Variants in TENM3 observed in about 807,000 individuals in gnomAD.
TENM3 encodes teneurin-3.
In TENM3, 63 loss-of-function variants were observed where a neutral mutation model predicts 255.1. The ratio of observed to expected loss-of-function variants is 0.25; its 90% CI spans 0.20 to 0.30. TENM3 has a LOEUF of 0.30. TENM3 is among the 10% of genes least tolerant of loss of function. The probability of loss-of-function intolerance (pLI) is 1.00; values close to 1 mark genes in which losing one functional copy is unlikely to be tolerated. For missense variants in TENM3, 2,929 were observed against 3,461.1 expected, an observed-to-expected ratio of 0.85 and a Z score of 3.86; for synonymous variants, 1,306 against 1,322.3, an observed-to-expected ratio of 0.99 and a Z score of 0.27.
chr4:181,901,813 A>T, the TENM3 span, among the ~76,000 whole-genome samples: 1 of 152,178 alleles, frequency 6.6e-6, no homozygotes, highest in Non-Finnish European at 1.5e-5. Flanking sequence ...GGTATGTCAG[A>T]GTCTTCAAAT....
chr4:181,871,497 T>C, the TENM3 span, among the ~76,000 whole-genome samples: 2,266 of 152,194 alleles, frequency 0.015, 57 homozygotes, highest in African/African-American at 0.052. Flanking sequence ...AGTCATTTTG[T>C]CTATGAATAA....
chr4:182,391,463 A>G lies in TENM3; in HGVS notation c.511+44534A>G, dbSNP rs142376621. ...ATAGACACAGTTAAATAAAACCATG[A>G]CTGGCCCTGGCTCTAAGGAGGCCAG... On this transcript the variant is annotated intron_variant, in intron 3 of 27. Transcript: ENST00000511685. Among the ~76,000 whole-genome samples the G allele has an allele frequency of 3.7e-3, 560 of 152,300 alleles. 4 individuals are homozygous for G. The highest frequency in any genetic ancestry group is 0.013 in the African/African-American group (538 of 41,554).
the TENM3 span, among the ~76,000 whole-genome samples, chr4:181,967,769 G>C: frequency 6.6e-6 from 1 of 152,140 alleles, no homozygotes; most frequent in Non-Finnish European, 1.5e-5. Flanking sequence ...GAGTCAAACA[G>C]AGTGAGGTAT....
At chr4:182,288,566 G>GAT (rs1403986651) in intron 1 of TENM3, among the ~76,000 whole-genome samples, 1 of 152,194 alleles carries the variant, frequency 6.6e-6, no homozygotes, top group Non-Finnish European at 1.5e-5. Flanking sequence ...TGAGTGGATG[G>GAT]ATAGATTTAT....
chr4:182,160,184 A>T (rs1751039237), intron 1 of TENM3, among the ~76,000 whole-genome samples: 1 of 150,758 alleles, frequency 6.6e-6, no homozygotes, highest in Non-Finnish European at 1.5e-5. Context: ...ATGTATTTTT[A>T]GTAGAGACGG....
At chr4:181,729,871 A>G in the TENM3 span, among the ~76,000 whole-genome samples, 1 of 152,226 alleles carries the variant, frequency 6.6e-6, no homozygotes. Context: ...GACCGAATTT[A>G]AATACCTGGC....
intron 1 of TENM3, among the ~76,000 whole-genome samples, chr4:182,300,647 T>A (rs2150366691): frequency 6.6e-6 from 1 of 152,278 alleles, no homozygotes; most frequent in African/African-American, 2.4e-5. Flanking sequence ...CCACACCAAA[T>A]GAGACTTGAT....
At chr4:181,468,545 T>C in the TENM3 span, among the ~76,000 whole-genome samples, 6 of 152,216 alleles carry the variant, frequency 3.9e-5, no homozygotes, top group African/African-American at 1.2e-4. Context: ...ACCATCTGTA[T>C]AGTGCGCTCT....
chr4:182,132,878 C>A, the TENM3 span, among the ~76,000 whole-genome samples: 3 of 152,188 alleles, frequency 2.0e-5, no homozygotes, highest in African/African-American at 7.2e-5. Flanking sequence ...TTACATTGGG[C>A]AAATTACTTA....
At chr4:182,267,401 C>T (rs1376117528) in intron 1 of TENM3, among the ~76,000 whole-genome samples, 3 of 152,026 alleles carry the variant, frequency 2.0e-5, no homozygotes, top group Non-Finnish European at 2.9e-5. Context: ...ATTATTTTGC[C>T]AAGGCTTTGA....
intron 3 of TENM3, among the ~76,000 whole-genome samples, chr4:182,445,053 C>T (rs1580564995): frequency 6.6e-6 from 1 of 152,180 alleles, no homozygotes; most frequent in Admixed American, 6.5e-5. Flanking sequence ...AGGTGATCCA[C>T]CCACCTCGGC....
intron 3 of TENM3, among the ~76,000 whole-genome samples, chr4:182,477,925 C>A (rs1277056878): frequency 1.3e-5 from 2 of 152,080 alleles, no homozygotes; most frequent in East Asian, 1.9e-4. Flanking sequence ...CTGGAGAGAA[C>A]CTGTGACTAA....
the TENM3 span, among the ~76,000 whole-genome samples, chr4:181,604,090 C>A: frequency 6.6e-6 from 1 of 151,992 alleles, no homozygotes; most frequent in African/African-American, 2.4e-5. Flanking sequence ...CGGTGAAACC[C>A]CGTCTCTACT....
At position 182,799,238 on chromosome 4, in the gene TENM3, G is replaced by C. The variant is rs1481151531; in HGVS notation, c.7345-358G>C. Among the ~76,000 whole-genome samples, 1 of 152,236 alleles carries C rather than the reference G, an allele frequency of 6.6e-6. No homozygotes were observed. Among genetic ancestry groups the C allele is most frequent in the African/African-American group, 2.4e-5 (1 of 41,464 alleles). Reference sequence around the variant, plus strand: ...CTCAGCCTCCTGTGGAGAAAGCTACGAGCATGCAGATCCGGATGAGCTGGG... The same window carrying C: ...CTCAGCCTCCTGTGGAGAAAGCTACCAGCATGCAGATCCGGATGAGCTGGG... On this transcript the variant is annotated intron_variant, in intron 27 of 27. Transcript: ENST00000511685. This position sits in a 1 kb window ranked among gnomAD's most constrained non-coding sequence, Gnocchi z 4.2.
chr4:181,669,372 G>C, the TENM3 span, among the ~76,000 whole-genome samples: 1 of 152,084 alleles, frequency 6.6e-6, no homozygotes, highest in African/African-American at 2.4e-5. Flanking sequence ...AGGATTTCTT[G>C]GGAGTTGGAC....
At chr4:181,485,980 G>C in the TENM3 span, among the ~76,000 whole-genome samples, 1 of 150,530 alleles carries the variant, frequency 6.6e-6, no homozygotes, top group Non-Finnish European at 1.5e-5. Context: ...TTCCTAATAG[G>C]AATAAAGACC....
At chr4:182,018,939 G>A in the TENM3 span, among the ~76,000 whole-genome samples, 4 of 152,136 alleles carry the variant, frequency 2.6e-5, no homozygotes, top group Admixed American at 2.0e-4. Flanking sequence ...CAATGAGTAG[G>A]GGGCACTGTC....
the TENM3 span, among the ~76,000 whole-genome samples, chr4:181,818,847 C>T: frequency 4.6e-5 from 7 of 152,208 alleles, no homozygotes; most frequent in Non-Finnish European, 8.8e-5. Flanking sequence ...GGGTGATCCA[C>T]TCGCCTTGGC....
chr4:182,614,263 A>G (rs985952282), intron 4 of TENM3, among the ~76,000 whole-genome samples: 4 of 152,166 alleles, frequency 2.6e-5, no homozygotes, highest in Non-Finnish European at 2.9e-5. Context: ...TATACATAGT[A>G]TATTACTTCC....
Sources: gnomAD v4.1 joint callset for allele counts (sites outside exome capture counted in the v4.1 genomes callset) on GRCh38, gnomAD v4.1.1 for gene constraint, Gnocchi (gnomAD v3.1) non-coding constraint, MANE v1.5 for transcripts, NCBI Gene and HGNC (gene_info 2026-07-23, HGNC 2026-07-21) for gene names.